Variants in PRKD1 observed in about 807,000 individuals in gnomAD.
PRKD1 encodes protein kinase D1.
A neutral mutation model predicts 95.9 loss-of-function variants in PRKD1; 63 were observed. The ratio of observed to expected loss-of-function variants is 0.66; its 90% CI spans 0.54 to 0.81. The LOEUF is 0.81. Ranked by LOEUF, PRKD1 falls within the 30% of genes least tolerant of loss-of-function variation. The pLI, the probability that PRKD1 is intolerant of heterozygous loss-of-function variation, is 0.00. For synonymous variants in PRKD1, 425 were observed against 423.1 expected (o/e 1.00, Z -0.05); for missense variants, 1,048 against 1,165.3 (o/e 0.90, Z 1.47).
chr14:29,872,866 GT>G (rs1221403908), intron 1 of PRKD1, among the ~76,000 whole-genome samples: 1 of 152,066 alleles, frequency 6.6e-6, no homozygotes, highest in Non-Finnish European at 1.5e-5. Flanking sequence ...AGAGCCATTT[GT>G]CAGTTTCCCT....
chr14:29,926,206 A>C (rs1329829212), intron 1 of PRKD1, among the ~76,000 whole-genome samples: 1 of 152,242 alleles, frequency 6.6e-6, no homozygotes. Context: ...TAATTTAAAG[A>C]AAGCAATTCA....
At chr14:29,788,330 T>C (rs1335767393) in intron 1 of PRKD1, among the ~76,000 whole-genome samples, 5 of 152,178 alleles carry the variant, frequency 3.3e-5, no homozygotes, top group African/African-American at 7.2e-5. Context: ...CACTTTTCTA[T>C]TGCTGTTTTT....
At chr14:29,860,319 G>T (rs1892663111) in intron 1 of PRKD1, among the ~76,000 whole-genome samples, 1 of 152,198 alleles carries the variant, frequency 6.6e-6, no homozygotes. Flanking sequence ...ACACTTTTCT[G>T]AAAGAATGAA....
At chr14:29,632,495 C>T (rs1880071313) in intron 9 of PRKD1, among the ~76,000 whole-genome samples, 1 of 152,072 alleles carries the variant, frequency 6.6e-6, no homozygotes, top group African/African-American at 2.4e-5. Context: ...AATGTTTCTT[C>T]ACTCCTAGCA....
intron 1 of PRKD1, among the ~76,000 whole-genome samples, chr14:29,852,230 A>G (rs528010824): frequency 1.3e-5 from 2 of 152,300 alleles, no homozygotes; most frequent in Admixed American, 1.3e-4. Flanking sequence ...CCTTGAATCT[A>G]AAATAAAAGT....
At chr14:29,668,198 C>T (rs1402328707) in intron 2 of PRKD1, among the ~76,000 whole-genome samples, 1 of 152,124 alleles carries the variant, frequency 6.6e-6, no homozygotes, top group African/African-American at 2.4e-5. Context: ...TGTATGCATG[C>T]CACCTCGCCT....
intron 16 of PRKD1, 104 bp from the exon 17 acceptor site, chr14:29,578,464 T>TAGTG: frequency 1.7e-6 from 1 of 595,446 alleles, no homozygotes; most frequent in Non-Finnish European, 2.3e-6. Context: ...AAATGCAGCA[T>TAGTG]AGTGACAAGG....
At chr14:29,874,201 A>G (rs1252110967) in intron 1 of PRKD1, among the ~76,000 whole-genome samples, 3 of 152,204 alleles carry the variant, frequency 2.0e-5, no homozygotes, top group African/African-American at 4.8e-5. Flanking sequence ...CAGAAAACAT[A>G]CAAGTGCCAA....
chr14:29,821,155 T>C (rs889496506), intron 1 of PRKD1, among the ~76,000 whole-genome samples: 1 of 152,234 alleles, frequency 6.6e-6, no homozygotes, highest in South Asian at 2.1e-4. Context: ...AATGAATTTT[T>C]ACATGTTCAC....
At chr14:29,752,913 C>A (rs1311042536) in intron 1 of PRKD1, among the ~76,000 whole-genome samples, 1 of 151,988 alleles carries the variant, frequency 6.6e-6, no homozygotes, top group African/African-American at 2.4e-5. Context: ...GTAGTTTTTG[C>A]ACTCCTACCA....
chr14:29,765,671 G>T (rs1594497187), intron 1 of PRKD1, among the ~76,000 whole-genome samples: 1 of 152,170 alleles, frequency 6.6e-6, no homozygotes, highest in East Asian at 1.9e-4. Context: ...TTTTGGTATA[G>T]GCACATGGTG....
chr14:29,824,874 T>C (rs1258825145), intron 1 of PRKD1, among the ~76,000 whole-genome samples: 1 of 152,058 alleles, frequency 6.6e-6, no homozygotes, highest in Non-Finnish European at 1.5e-5. Context: ...TTGCAGACAT[T>C]CCAGCATTTG....
At chr14:29,583,965 A>G (rs1892831490) in intron 16 of PRKD1, among the ~76,000 whole-genome samples, 1 of 152,210 alleles carries the variant, frequency 6.6e-6, no homozygotes, top group Non-Finnish European at 1.5e-5. Context: ...AAAGTCAGGA[A>G]AGCAAAGAGA....
At chr14:29,747,044 C>T (rs777236033) in intron 1 of PRKD1, among the ~76,000 whole-genome samples, 4 of 152,066 alleles carry the variant, frequency 2.6e-5, no homozygotes, top group Non-Finnish European at 4.4e-5. Flanking sequence ...AGCTTTAAAA[C>T]GTTATATTAA....
chr14:29,927,083 G>A (rs1566675995), intron 1 of PRKD1, among the ~76,000 whole-genome samples, 166 bp downstream of exon 1: 1 of 152,004 alleles, frequency 6.6e-6, no homozygotes, highest in Admixed American at 6.5e-5. Context: ...CAGCGCCTCG[G>A]GTTGCAGGCG....
intron 1 of PRKD1, among the ~76,000 whole-genome samples, chr14:29,800,996 AT>A (rs1457354814): frequency 6.6e-6 from 1 of 152,232 alleles, no homozygotes; most frequent in East Asian, 1.9e-4. Flanking sequence ...CTAGTGTAAT[AT>A]TTTGTCTATT....
chr14:29,628,586 G>T (rs1879779326), intron 11 of PRKD1, among the ~76,000 whole-genome samples: 1 of 152,154 alleles, frequency 6.6e-6, no homozygotes, highest in Non-Finnish European at 1.5e-5. Context: ...AAGTCTCCTT[G>T]ATGTGTACAA....
rs45587837 is a variant in PRKD1 at position 29,639,885 on chromosome 14, G to A, written c.697-981C>T. ...AATTATTTAATCAGCCCAGTATATA[G>A]ATTTTTAAAAATTAAATTAACTAAA... On this transcript the variant is annotated intron_variant, in intron 4 of 17. Transcript: ENST00000331968. Among the ~76,000 whole-genome samples the A allele has an allele frequency of 4.6e-5, 7 of 152,078 alleles. 1 individual carries two copies. The South Asian group carries it at 1.5e-3, about 32-fold the overall frequency.
intron 13 of PRKD1, among the ~76,000 whole-genome samples, chr14:29,615,670 T>G (rs2139062644): frequency 6.6e-6 from 1 of 152,348 alleles, no homozygotes; most frequent in South Asian, 2.1e-4. Context: ...ACTACTTGTA[T>G]CTGACTGCCC....
Sources: gnomAD v4.1 joint callset for allele counts (sites outside exome capture counted in the v4.1 genomes callset) on GRCh38, gnomAD v4.1.1 for gene constraint, MANE v1.5 for transcripts, NCBI Gene and HGNC (gene_info 2026-07-23, HGNC 2026-07-21) for gene names.